The following ZNF565 variants were observed in gnomAD, a reference collection of about 807,000 sequenced individuals.
The protein encoded by ZNF565 is zinc finger protein 565.
ZNF565 carries 27 observed loss-of-function variants against 39.4 expected under a neutral mutation model. The ratio of observed to expected loss-of-function variants is 0.69; its 90% confidence interval spans 0.51 to 0.95. ZNF565 has a LOEUF of 0.95. Among genes scored for constraint, ZNF565 ranks in the 40% least tolerant of loss-of-function variants. The pLI is 0.00. For synonymous variants in ZNF565, 185 were observed against 216.6 expected (o/e 0.85, Z 1.28); for missense variants, 524 against 621.1 (o/e 0.84, Z 1.66).
chr19:36,219,355 G>A (rs1976744081), upstream of ZNF565, among the ~76,000 whole-genome samples: 1 of 152,082 alleles, frequency 6.6e-6, no homozygotes, highest in African/African-American at 2.4e-5. Context: ...TGTAGAGATG[G>A]AGTCTTACTA....
intron 4 of ZNF565, among the ~76,000 whole-genome samples, chr19:36,192,913 T>C (rs577407777): frequency 6.6e-6 from 1 of 151,890 alleles, no homozygotes; most frequent in Non-Finnish European, 1.5e-5. Flanking sequence ...ACCTCATGGG[T>C]TCAAGAGATT....
intron 1 of ZNF565, chr19:36,237,252 G>C: frequency 6.2e-7 from 1 of 1,613,956 alleles, no homozygotes; most frequent in Non-Finnish European, 8.5e-7. Flanking sequence ...TATCAGTGCA[G>C]TGAATGTGGG....
chr19:36,201,113 G>A (rs1030462187), intron 2 of ZNF565, among the ~76,000 whole-genome samples: 1 of 152,072 alleles, frequency 6.6e-6, no homozygotes, highest in Non-Finnish European at 1.5e-5. Context: ...ACCAGTCTGG[G>A]CAACACAGTG....
chr19:36,226,144 G>T (rs28414272), intron 1 of ZNF565, among the ~76,000 whole-genome samples: 26,025 of 152,068 alleles, frequency 0.17, 2,549 homozygotes, highest in Non-Finnish European at 0.22. Flanking sequence ...TTCTGTTCTA[G>T]CCCTATTCTG....
intron 1 of ZNF565, among the ~76,000 whole-genome samples, chr19:36,206,269 C>T (rs1976150128): frequency 6.6e-6 from 1 of 151,874 alleles, no homozygotes; most frequent in Non-Finnish European, 1.5e-5. Flanking sequence ...CTGGACCTCA[C>T]ATCCTATGGG....
At chr19:36,199,022 C>A (rs1012414864) in intron 2 of ZNF565, among the ~76,000 whole-genome samples, 5 of 152,200 alleles carry the variant, frequency 3.3e-5, no homozygotes, top group Non-Finnish European at 5.9e-5. Context: ...GCCTGTATCA[C>A]AACATCTCAT....
chr19:36,225,895 G>A (rs994511308), intron 1 of ZNF565, among the ~76,000 whole-genome samples: 2 of 151,470 alleles, frequency 1.3e-5, no homozygotes, highest in Non-Finnish European at 2.9e-5. Flanking sequence ...CAAGTAGCTG[G>A]GACTACAGGC....
intron 4 of ZNF565, among the ~76,000 whole-genome samples, chr19:36,186,121 C>G (rs1351928184): frequency 6.6e-6 from 1 of 152,080 alleles, no homozygotes; most frequent in Non-Finnish European, 1.5e-5. Context: ...CTCAGCCTCC[C>G]GAGTAGCTGA....
At chr19:36,215,588 G>A (rs1337087036), upstream of ZNF565, among the ~76,000 whole-genome samples, 2 of 152,014 alleles carry the variant, frequency 1.3e-5, no homozygotes, top group Non-Finnish European at 2.9e-5. Context: ...GCTAAGTGGT[G>A]AATAATTTTA....
At chr19:36,214,755 T>C (rs1976521846), upstream of ZNF565, 1 of 152,650 alleles carries the variant, frequency 6.6e-6, no homozygotes, top group Admixed American at 6.5e-5. Context: ...ACGGACAGAA[T>C]GGCGTTCTCT....
chr19:36,211,738 A>C (rs1976367732), intron 1 of ZNF565, among the ~76,000 whole-genome samples: 1 of 151,880 alleles, frequency 6.6e-6, no homozygotes, highest in South Asian at 2.1e-4. Context: ...GCTTGCAGTG[A>C]GCCGAGCTCG....
rs188579652 is a variant in ZNF565 at position 36,183,347 on chromosome 19, C to T, written c.619G>A (p.Ala207Thr). 2 of 1,612,218 alleles carry T rather than the reference C, an allele frequency of 1.2e-6. No homozygotes were observed. The highest frequency in any genetic ancestry group is 2.7e-5 in the African/African-American group (2 of 74,754). The change falls in exon 5 of 5, where the codon GCC (alanine) becomes ACC (threonine). Residue 207 changes from alanine (A) to threonine (T), a missense_variant. Transcript: ENST00000304116. Reference protein sequence around the residue: ...CKECGKAFSRASHLVQHQRIH... With the variant: ...CKECGKAFSRTSHLVQHQRIH... Reference sequence around the variant, plus strand: ...CTCTGATGCTGAACAAGGTGTGAGGCACGGCTGAAGGCCTTCCCACATTCC... The same window carrying T: ...CTCTGATGCTGAACAAGGTGTGAGGTACGGCTGAAGGCCTTCCCACATTCC...
upstream of ZNF565, among the ~76,000 whole-genome samples, chr19:36,215,499 T>G (rs1182766582): frequency 6.6e-6 from 1 of 152,094 alleles, no homozygotes; most frequent in Non-Finnish European, 1.5e-5. Context: ...TGCACTTCCC[T>G]TGTCGAAAGT....
rs575897725 is a variant in ZNF565 at position 36,187,393 on chromosome 19, G to A, written c.233-3660C>T. Among the ~76,000 whole-genome samples the A allele has an allele frequency of 8.1e-4, 122 of 149,948 alleles. 2 individuals are homozygous for A. The highest frequency in any genetic ancestry group is 4.3e-3 in the Admixed American group (64 of 15,024). On this transcript the variant is annotated intron_variant, in intron 4 of 4. Coordinates refer to ENST00000304116, the MANE Select transcript of ZNF565 (RefSeq NM_152477.5). ...TTTTTTTTTTCTGAGACGGAGTCTC[G>A]CTCTGTCGCCCAGGCTGGAGTGCAG...
chr19:36,203,191 C>T (rs1286341302), intron 1 of ZNF565, among the ~76,000 whole-genome samples: 3 of 151,922 alleles, frequency 2.0e-5, no homozygotes, highest in South Asian at 2.1e-4. Context: ...AAAAAATTAG[C>T]GGGGCGTGGT....
chr19:36,207,915 A>G (rs1341444802), intron 1 of ZNF565, among the ~76,000 whole-genome samples: 2 of 152,198 alleles, frequency 1.3e-5, no homozygotes, highest in African/African-American at 4.8e-5. Flanking sequence ...CACACTGGAC[A>G]TGTACATGAG....
At chr19:36,237,015 CCTT>C (rs1977667801) in intron 1 of ZNF565, 1 of 1,614,194 alleles carries the variant, frequency 6.2e-7, no homozygotes, top group Non-Finnish European at 8.5e-7. Flanking sequence ...TGTGGAAAAG[CCTT>C]CTCTCAGCGA....
chr19:36,233,300 A>C (rs1977474146), intron 1 of ZNF565, among the ~76,000 whole-genome samples: 1 of 152,144 alleles, frequency 6.6e-6, no homozygotes, highest in Admixed American at 6.5e-5. Context: ...GAATCACTTG[A>C]AGCCAGGAGG....
intron 1 of ZNF565, chr19:36,237,469 A>T: frequency 1.1e-6 from 1 of 925,350 alleles, no homozygotes; most frequent in Non-Finnish European, 1.6e-6. Flanking sequence ...GAAAATTTGT[A>T]CTGAAGAGAA....
Sources: allele counts gnomAD v4.1 joint callset (sites outside exome capture counted in the v4.1 genomes callset), GRCh38; gene constraint gnomAD v4.1.1; transcripts MANE v1.5; gene names NCBI Gene and HGNC (gene_info 2026-07-23, HGNC 2026-07-21).